Variants in SGMS1 observed in about 807,000 individuals in gnomAD.
The protein encoded by SGMS1 is phosphatidylcholine:ceramide cholinephosphotransferase 1.
In SGMS1, 13 loss-of-function variants were observed where a neutral mutation model predicts 46.2. The ratio of observed to expected loss-of-function variants is 0.28; its 90% CI spans 0.18 to 0.45. The LOEUF is 0.45. Ranked by LOEUF, SGMS1 falls within the 20% of genes least tolerant of loss-of-function variation. SGMS1 has a pLI of 1.00. For missense variants in SGMS1, 324 were observed against 519.9 expected (o/e 0.62, Z 3.66); for synonymous variants, 203 against 187.8 (o/e 1.08, Z -0.66).
intron 5 of SGMS1, among the ~76,000 whole-genome samples, chr10:50,452,733 G>A (rs987508044): frequency 2.6e-5 from 4 of 152,230 alleles, no homozygotes; most frequent in South Asian, 4.1e-4. Context: ...AGACCCCTGC[G>A]TAAAACTGGA....
At chr10:50,487,073 C>T (rs1216971644) in intron 3 of SGMS1, among the ~76,000 whole-genome samples, 4 of 152,068 alleles carry the variant, frequency 2.6e-5, no homozygotes, top group Admixed American at 6.5e-5. Flanking sequence ...ACCCAAATAC[C>T]GCATGTTCTC....
At chr10:50,587,641 G>A (rs1015371454) in intron 2 of SGMS1, among the ~76,000 whole-genome samples, 4 of 147,056 alleles carry the variant, frequency 2.7e-5, no homozygotes, top group East Asian at 2.0e-4. Flanking sequence ...ATATGTGTGT[G>A]TGTGTGTGTG....
intron 3 of SGMS1, among the ~76,000 whole-genome samples, chr10:50,469,016 T>C (rs1310283625): frequency 6.6e-6 from 1 of 152,160 alleles, no homozygotes; most frequent in Admixed American, 6.5e-5. Context: ...ATCCCCAACT[T>C]AACCAGATGA....
chr10:50,509,720 A>T (rs974523087), intron 3 of SGMS1, among the ~76,000 whole-genome samples: 3 of 152,184 alleles, frequency 2.0e-5, no homozygotes, highest in Admixed American at 6.5e-5. Flanking sequence ...CCATCACCCA[A>T]TTAGAAGCCA....
intron 5 of SGMS1, among the ~76,000 whole-genome samples, chr10:50,446,068 G>T (rs552896185): frequency 1.8e-4 from 27 of 152,206 alleles, no homozygotes; most frequent in African/African-American, 6.0e-4. Context: ...TGGTCAGACC[G>T]GTTGTCTGCT....
chr10:50,568,503 A>G (rs572013998), intron 2 of SGMS1, among the ~76,000 whole-genome samples: 1 of 152,154 alleles, frequency 6.6e-6, no homozygotes, highest in African/African-American at 2.4e-5. Context: ...CATCCAATTC[A>G]TCAGTTTTAG....
upstream of SGMS1, chr10:50,624,927 C>G (rs906798793): frequency 3.0e-6 from 3 of 1,014,028 alleles, no homozygotes; most frequent in African/African-American, 5.2e-5. Flanking sequence ...TACCACGTGA[C>G]TGTCCGCGGC....
At chr10:50,477,336 T>C (rs558289184) in intron 3 of SGMS1, among the ~76,000 whole-genome samples, 148 of 152,376 alleles carry the variant, frequency 9.7e-4, no homozygotes, top group Non-Finnish European at 1.8e-3. Context: ...GGCCAATTTC[T>C]TCCTTTTGGA....
At chr10:50,551,025 A>G (rs1838144608) in intron 2 of SGMS1, among the ~76,000 whole-genome samples, 1 of 152,182 alleles carries the variant, frequency 6.6e-6, no homozygotes, top group South Asian at 2.1e-4. Flanking sequence ...AGACATTCCA[A>G]CCACAAGGAG....
intron 6 of SGMS1, chr10:50,417,914 T>A (rs1849196913): frequency 6.6e-6 from 1 of 152,276 alleles, no homozygotes; most frequent in African/African-American, 2.4e-5. Context: ...AGCTAGTGCC[T>A]ATTTGATCAT....
rs187965310 is a variant in SGMS1 at position 50,604,173 on chromosome 10, C to T, written c.-683-13926G>A. On this transcript the variant is annotated intron_variant, in intron 1 of 10. Coordinates refer to ENST00000361781, the MANE Select transcript of SGMS1 (RefSeq NM_147156.4). ...TGACAGCTCTCAGACAGTAAGGAAA[C>T]TGCTGAGTCAAAACCACATAATCAG... Among the ~76,000 whole-genome samples the T allele has an allele frequency of 2.0e-3, 310 of 152,212 alleles. 1 individual carries two copies. The highest frequency in any genetic ancestry group is 2.1e-3 in the South Asian group (10 of 4,814).
In SGMS1 at chr10:50,432,246, A is replaced by C. The variant is rs531998189; in HGVS notation, c.-232+1230T>G. On this transcript the variant is annotated intron_variant, in intron 6 of 10. Transcript: ENST00000361781. The stretch of plus-strand genomic sequence containing the variant: ...GGTTGTTAAACACAGTCATTATTAA[A>C]AGTTAAATTATATAAACAAAATTAA... Among the ~76,000 whole-genome samples the C allele has an allele frequency of 6.6e-5, 10 of 152,242 alleles. No homozygotes were observed. The South Asian group carries it at 2.1e-3, about 32-fold the overall frequency.
At chr10:50,508,645 G>A (rs1051567036) in intron 3 of SGMS1, among the ~76,000 whole-genome samples, 9 of 152,176 alleles carry the variant, frequency 5.9e-5, no homozygotes, top group Non-Finnish European at 1.2e-4. Flanking sequence ...GTGGCAGGTG[G>A]TTGGAAAGAA....
chr10:50,449,640 CGT>C (rs10581530), intron 5 of SGMS1, among the ~76,000 whole-genome samples: 44,183 of 149,736 alleles, frequency 0.3, 6,939 homozygotes, highest in East Asian at 0.63. Flanking sequence ...AGTGTGTGCA[CGT>C]GTGTGTGTGT....
chr10:50,606,536 A>C (rs539127357), intron 1 of SGMS1, among the ~76,000 whole-genome samples: 1 of 152,352 alleles, frequency 6.6e-6, no homozygotes, highest in East Asian at 1.9e-4. Flanking sequence ...GATTTGGAAT[A>C]GTAGAAATAT....
intron 7 of SGMS1, among the ~76,000 whole-genome samples, chr10:50,330,459 TG>T (rs1847604491): frequency 6.6e-6 from 1 of 152,168 alleles, no homozygotes; most frequent in African/African-American, 2.4e-5. Flanking sequence ...CACTCCAGTC[TG>T]GGTGACAGAG....
intron 2 of SGMS1, among the ~76,000 whole-genome samples, chr10:50,563,418 A>G (rs1348617425): frequency 6.6e-6 from 1 of 152,256 alleles, no homozygotes; most frequent in Non-Finnish European, 1.5e-5. Flanking sequence ...ACACAATGAT[A>G]CTAAAAACCA....
At chr10:50,484,327 C>T (rs976559512) in intron 3 of SGMS1, among the ~76,000 whole-genome samples, 2 of 151,992 alleles carry the variant, frequency 1.3e-5, no homozygotes, top group African/African-American at 4.8e-5. Context: ...GACATATACA[C>T]CCTCCCAAGA....
chr10:50,434,431 T>A (rs1210083059), intron 5 of SGMS1, among the ~76,000 whole-genome samples: 2 of 152,068 alleles, frequency 1.3e-5, no homozygotes, highest in Non-Finnish European at 2.9e-5. Flanking sequence ...CAATGTTAAT[T>A]CTGAGATGAG....
Sources: allele counts gnomAD v4.1 joint callset (sites outside exome capture counted in the v4.1 genomes callset), GRCh38; gene constraint gnomAD v4.1.1; transcripts MANE v1.5; gene names NCBI Gene and HGNC (gene_info 2026-07-23, HGNC 2026-07-21).